PRKG1: variants seen among roughly 807,000 people sequenced by gnomAD.
The protein encoded by PRKG1 is cGMP-dependent protein kinase 1.
A neutral mutation model predicts 88.1 loss-of-function variants in PRKG1; 35 were observed. The observed-to-expected ratio is 0.40, with a 90% CI of 0.30 to 0.53. PRKG1 has a LOEUF of 0.53. Ranked by LOEUF, PRKG1 falls within the 20% of genes least tolerant of loss-of-function variation. The pLI, the probability that PRKG1 is intolerant of heterozygous loss-of-function variation, is 0.59. For missense variants in PRKG1, 540 were observed against 839.8 expected, an observed-to-expected ratio of 0.64 and a Z score of 4.41; for synonymous variants, 303 against 292.5, an observed-to-expected ratio of 1.04 and a Z score of -0.37.
At chr10:51,285,150 GT>G (rs1379365805) in intron 2 of PRKG1, among the ~76,000 whole-genome samples, 1 of 146,480 alleles carries the variant, frequency 6.8e-6, no homozygotes, top group Non-Finnish European at 1.5e-5. Context: ...GCGGTGTTTG[GT>G]TTTTTGTTCT....
intron 2 of PRKG1, 85 bp downstream of exon 2, chr10:51,153,415 G>A: frequency 7.9e-7 from 1 of 1,273,760 alleles, no homozygotes. Flanking sequence ...TGCATTACAT[G>A]GAAAATTCCA....
At chr10:51,636,652 G>A (rs1187493615) in intron 3 of PRKG1, among the ~76,000 whole-genome samples, 1 of 152,144 alleles carries the variant, frequency 6.6e-6, no homozygotes, top group Non-Finnish European at 1.5e-5. Flanking sequence ...TAAGATCTGG[G>A]AAGGCTGTAC....
At chr10:52,263,124 C>T (rs1426746551) in intron 10 of PRKG1, among the ~76,000 whole-genome samples, 2 of 151,824 alleles carry the variant, frequency 1.3e-5, no homozygotes, top group Non-Finnish European at 2.9e-5. Context: ...AAAAATAAGA[C>T]TTTTAAATTT....
At chr10:52,150,162 A>AAT (rs59087740) in intron 8 of PRKG1, among the ~76,000 whole-genome samples, 53 of 81,136 alleles carry the variant, frequency 6.5e-4, no homozygotes, top group Non-Finnish European at 5.9e-4. Flanking sequence ...TAATAATAAT[A>AAT]ATAATAATAA....
chr10:51,743,474 C>A (rs138350205), intron 3 of PRKG1, among the ~76,000 whole-genome samples: 4 of 151,564 alleles, frequency 2.6e-5, no homozygotes, highest in Admixed American at 6.6e-5. Flanking sequence ...AGGAAGCCAG[C>A]GACAAGGCAA....
intron 3 of PRKG1, among the ~76,000 whole-genome samples, chr10:51,801,403 A>G (rs181310958): frequency 6.6e-6 from 1 of 152,160 alleles, no homozygotes; most frequent in Non-Finnish European, 1.5e-5. Context: ...TAGCCAGTAG[A>G]CTGTACAAAA....
intron 1 of PRKG1, among the ~76,000 whole-genome samples, chr10:51,127,961 G>A (rs1397569178): frequency 6.6e-6 from 1 of 152,014 alleles, no homozygotes; most frequent in Non-Finnish European, 1.5e-5. Flanking sequence ...CCTGTTCAGG[G>A]GTGGGGGGCA....
chr10:52,095,458 T>C (rs2133330758), intron 7 of PRKG1, among the ~76,000 whole-genome samples: 1 of 152,272 alleles, frequency 6.6e-6, no homozygotes, highest in South Asian at 2.1e-4. Context: ...GTTGTTCATT[T>C]TCACCTCCTA....
chr10:51,694,189 A>G (rs1422994251), intron 3 of PRKG1, among the ~76,000 whole-genome samples: 1 of 152,172 alleles, frequency 6.6e-6, no homozygotes, highest in Non-Finnish European at 1.5e-5. Flanking sequence ...TGTAACTGAT[A>G]ATTCAGTTTC....
At chr10:51,752,830 C>A (rs1837761651) in intron 3 of PRKG1, among the ~76,000 whole-genome samples, 1 of 152,014 alleles carries the variant, frequency 6.6e-6, no homozygotes, top group African/African-American at 2.4e-5. Flanking sequence ...GAAAACAGTA[C>A]CCTTAAAATA....
chr10:52,165,418 A>G (rs921599214), intron 9 of PRKG1, among the ~76,000 whole-genome samples: 1 of 152,108 alleles, frequency 6.6e-6, no homozygotes, highest in African/African-American at 2.4e-5. Context: ...TTTTGTATTT[A>G]AGGAATTTAT....
intron 9 of PRKG1, among the ~76,000 whole-genome samples, chr10:52,213,453 G>A (rs1486524476): frequency 6.6e-6 from 1 of 152,188 alleles, no homozygotes; most frequent in Non-Finnish European, 1.5e-5. Context: ...CAAGGAAAAA[G>A]TCTTGGTGAC....
chr10:51,763,529 A>T (rs1254735807), intron 3 of PRKG1, among the ~76,000 whole-genome samples: 1 of 151,946 alleles, frequency 6.6e-6, no homozygotes, highest in Non-Finnish European at 1.5e-5. Flanking sequence ...CTGGGATTAC[A>T]GTCATGAGCC....
At chr10:51,543,614 T>A (rs146417922) in intron 3 of PRKG1, among the ~76,000 whole-genome samples, 122 of 152,316 alleles carry the variant, frequency 8.0e-4, no homozygotes, top group African/African-American at 2.8e-3. Context: ...TTGTGCAGAA[T>A]GTGCAGCCTG....
intron 10 of PRKG1, among the ~76,000 whole-genome samples, chr10:52,253,080 G>T (rs1403085355): frequency 1.3e-5 from 2 of 152,004 alleles, no homozygotes; most frequent in Non-Finnish European, 2.9e-5. Flanking sequence ...TTATTTTCTG[G>T]TGTGTTTATA....
intron 5 of PRKG1, among the ~76,000 whole-genome samples, chr10:51,961,393 AAG>A (rs1491352698): frequency 7.3e-6 from 1 of 137,534 alleles, no homozygotes; most frequent in Admixed American, 6.9e-5. Flanking sequence ...ATTGAAAAAA[AAG>A]AATCTGCATT....
intron 2 of PRKG1, among the ~76,000 whole-genome samples, chr10:51,344,293 C>G (rs1842065682): frequency 1.3e-5 from 2 of 152,122 alleles, no homozygotes; most frequent in Admixed American, 1.3e-4. Flanking sequence ...ACGACCAGAT[C>G]TTGTGAGAAC....
chr10:51,889,203 T>TC (rs1194306503), intron 4 of PRKG1, among the ~76,000 whole-genome samples: 1 of 90,632 alleles, frequency 1.1e-5, no homozygotes, highest in East Asian at 3.8e-4. Context: ...ATTCTATCCC[T>TC]CCCCCCTCCC....
intron 5 of PRKG1, among the ~76,000 whole-genome samples, chr10:51,946,043 C>A (rs570221828): frequency 6.6e-6 from 1 of 152,036 alleles, no homozygotes; most frequent in East Asian, 1.9e-4. Flanking sequence ...TAATATCCTG[C>A]AGAGTGTTTT....
Sources: gnomAD v4.1 joint callset for allele counts (sites outside exome capture counted in the v4.1 genomes callset) on GRCh38, gnomAD v4.1.1 for gene constraint, MANE v1.5 for transcripts, NCBI Gene and HGNC (gene_info 2026-07-23, HGNC 2026-07-21) for gene names.